Variants in RECQL observed in about 807,000 individuals in gnomAD.
RECQL encodes ATP-dependent DNA helicase Q1.
In RECQL, 73 loss-of-function variants were observed where a neutral mutation model predicts 75.8. That is an observed-to-expected ratio of 0.96 (90% CI 0.80 to 1.17). RECQL has a LOEUF of 1.17. Ranked by LOEUF, RECQL falls within the 50% of genes most tolerant of loss-of-function variation. The pLI, the probability that RECQL is intolerant of heterozygous loss-of-function variation, is 0.00. For synonymous variants in RECQL, 248 were observed against 254.4 expected (o/e 0.97, Z 0.24); for missense variants, 699 against 772.1 (o/e 0.91, Z 1.12).
chr12:21,484,895 A>T (rs1020382783), intron 5 of RECQL, among the ~76,000 whole-genome samples: 3 of 152,116 alleles, frequency 2.0e-5, no homozygotes, highest in Non-Finnish European at 4.4e-5. Context: ...CTCTTTCTGA[A>T]AACTCATAAA....
At chr12:21,487,310 T>C (rs1184990382) in intron 4 of RECQL, among the ~76,000 whole-genome samples, 3 of 152,176 alleles carry the variant, frequency 2.0e-5, no homozygotes, top group Admixed American at 6.5e-5. Flanking sequence ...AATTATACAG[T>C]AGTGTGTATA....
chr12:21,498,567 G>C (rs186616304), intron 2 of RECQL, among the ~76,000 whole-genome samples: 4 of 152,274 alleles, frequency 2.6e-5, no homozygotes, highest in Admixed American at 6.5e-5. Context: ...AACAGGCAAA[G>C]AAGGCGATTA....
intron 4 of RECQL, 57 bp from the exon 5 acceptor site, chr12:21,486,642 A>G: frequency 1.8e-6 from 1 of 550,430 alleles, no homozygotes; most frequent in Non-Finnish European, 3.1e-6. Flanking sequence ...TCAGAATCAG[A>G]TGCAAACCAT....
At chr12:21,475,037 A>G (rs1262182180) in intron 10 of RECQL, 58 bp from the exon 11 acceptor site, 1 of 1,541,072 alleles carries the variant, frequency 6.5e-7, no homozygotes, top group Non-Finnish European at 8.9e-7. Context: ...AAAATATGCA[A>G]AAATGACATA....
In RECQL at chr12:21,469,584, A is replaced by G. The variant is rs1034048068; in HGVS notation, c.*610T>C. On this transcript the variant is annotated 3_prime_UTR_variant, in exon 15 of 15. Coordinates refer to ENST00000444129, the MANE Select transcript of RECQL (RefSeq NM_002907.4). Reference sequence around the variant, plus strand: ...TTATGTCAAAAGAAAAAATATAGCTAAGTATATAAAGGCATAAAAAACTTA... The same window carrying G: ...TTATGTCAAAAGAAAAAATATAGCTGAGTATATAAAGGCATAAAAAACTTA... 2.0e-5 allele frequency: 3 copies of G among 151,910 alleles called. No individual in the cohort carries two copies. The highest frequency in any genetic ancestry group is 4.4e-5 in the Non-Finnish European group (3 of 67,934). 9.4% of individuals were successfully genotyped at this position (151,910 alleles called of 1,614,324 possible).
intron 14 of RECQL, 39 bp from the exon 15 acceptor site, chr12:21,470,385 A>G: frequency 1.3e-6 from 2 of 1,502,478 alleles, no homozygotes; most frequent in Non-Finnish European, 8.9e-7. Context: ...GCACCTTGGT[A>G]AAAATCCAGC....
At chr12:21,481,284 T>C (rs1296351491) in intron 6 of RECQL, among the ~76,000 whole-genome samples, 1 of 152,134 alleles carries the variant, frequency 6.6e-6, no homozygotes, top group Non-Finnish European at 1.5e-5. Flanking sequence ...AGCAGTTCTT[T>C]TGGGGGAATT....
intron 12 of RECQL, among the ~76,000 whole-genome samples, chr12:21,472,673 C>G (rs1050539246): frequency 6.6e-6 from 1 of 152,030 alleles, no homozygotes; most frequent in Non-Finnish European, 1.5e-5. Context: ...GGGCCAGTTT[C>G]TTTGCTATAT....
At chr12:21,472,617 T>A (rs573968053) in intron 12 of RECQL, among the ~76,000 whole-genome samples, 1 of 152,208 alleles carries the variant, frequency 6.6e-6, no homozygotes, top group African/African-American at 2.4e-5. Flanking sequence ...AGTGGGAGTG[T>A]CTTACATCAT....
intron 3 of RECQL, 77 bp from the exon 4 acceptor site, chr12:21,490,455 A>G (rs961440577): frequency 2.1e-5 from 19 of 918,020 alleles, no homozygotes; most frequent in Non-Finnish European, 2.9e-5. Flanking sequence ...ACAAACATAT[A>G]TAAGACTTCT....
chr12:21,473,553 C>A lies in RECQL; in HGVS notation c.1445G>T (p.Ser482Ile). 1 of 1,611,094 alleles carries A rather than the reference C, an allele frequency of 6.2e-7. No individual in the cohort carries two copies. The highest frequency in any genetic ancestry group is 1.1e-5 in the South Asian group (1 of 90,968). ...NKMCDNCCKD[S>I]AFERKNITEY... ...GGTTTACAAAACAACAAACTCACCA[C>A]TGTCTTTACAGCAGTTATCGCACAT... The change falls in exon 12 of 15, where the codon AGT becomes ATT. Residue 482 changes from serine (S) to isoleucine (I), a missense_variant and splice_region_variant. Physicochemically the swap from Ser to Ile is moderately radical, Grantham distance 142 (BLOSUM62 -2). This residue lies in a region of RECQL where 669 missense variants were observed against 713.5 expected (regional missense o/e 0.94). Transcript: ENST00000444129.
intron 5 of RECQL, among the ~76,000 whole-genome samples, chr12:21,485,540 ATT>A (rs929829784): frequency 2.6e-5 from 4 of 151,472 alleles, no homozygotes; most frequent in African/African-American, 7.3e-5. Context: ...TCTGGGCTAT[ATT>A]TTTTTTTAAA....
At chr12:21,495,310 A>T (rs1943484358) in intron 2 of RECQL, among the ~76,000 whole-genome samples, 1 of 152,106 alleles carries the variant, frequency 6.6e-6, no homozygotes, top group Non-Finnish European at 1.5e-5. Flanking sequence ...AAAAAAAGAG[A>T]AATCGGCCAG....
chr12:21,500,792 C>T (rs981329776), intron 1 of RECQL, among the ~76,000 whole-genome samples: 2 of 152,114 alleles, frequency 1.3e-5, no homozygotes, highest in Non-Finnish European at 2.9e-5. Context: ...CTGTTTCTAC[C>T]CTTATGAAAA....
chr12:21,488,606 G>A (rs1439528774), intron 4 of RECQL, among the ~76,000 whole-genome samples: 2 of 152,020 alleles, frequency 1.3e-5, no homozygotes, highest in Non-Finnish European at 2.9e-5. Flanking sequence ...ATTCCCAAGA[G>A]TTCTTTCGCC....
intron 2 of RECQL, among the ~76,000 whole-genome samples, chr12:21,496,561 G>A (rs1950207191): frequency 1.3e-5 from 2 of 152,168 alleles, no homozygotes; most frequent in African/African-American, 4.8e-5. Flanking sequence ...TGTCTGACCT[G>A]CTGAGCAAGA....
In RECQL at chr12:21,470,028, T is replaced by G; in HGVS notation, c.*166A>C. 1.3e-6 allele frequency: 1 copy of G among 772,016 alleles called. No homozygotes were observed. Among genetic ancestry groups the G allele is most frequent in the Non-Finnish European group, 1.9e-6 (1 of 527,194 alleles). 47.8% of individuals were successfully genotyped at this position (772,016 alleles called of 1,614,324 possible). ...TTATATAATTCATGATCTCTAATTT[T>G]CAAACATTCTCAAAAGTTTAGATCT... On this transcript the variant is annotated 3_prime_UTR_variant, in exon 15 of 15. Coordinates refer to ENST00000444129, the MANE Select transcript of RECQL (RefSeq NM_002907.4).
rs150541410 is a variant in RECQL, at chr12:21,497,655, A to C, written c.16+1900T>G. 1.4e-3 allele frequency among the ~76,000 whole-genome samples: 211 copies of C among 152,332 alleles called. 1 individual carries two copies. The highest frequency in any genetic ancestry group is 0.011 in the East Asian group (55 of 5,172). On this transcript the variant is annotated intron_variant, in intron 2 of 14. Transcript: ENST00000444129. Reference sequence around the variant, plus strand: ...CAGAGTGTGAAGGTATTTGTGTCCAATGTGAATGCTCATTAAAAACAACTT... The same window carrying C: ...CAGAGTGTGAAGGTATTTGTGTCCACTGTGAATGCTCATTAAAAACAACTT...
chr12:21,500,752 G>A (rs755673128), intron 1 of RECQL, among the ~76,000 whole-genome samples: 38 of 152,154 alleles, frequency 2.5e-4, no homozygotes, highest in Non-Finnish European at 4.8e-4. Flanking sequence ...TTGATGTAGT[G>A]AGGGCTCAGG....
Sources: allele counts gnomAD v4.1 joint callset (sites outside exome capture counted in the v4.1 genomes callset), GRCh38; gene constraint gnomAD v4.1.1; regional missense constraint gnomAD v4.1.1; transcripts MANE v1.5; gene names NCBI Gene and HGNC (gene_info 2026-07-23, HGNC 2026-07-21).